The following ZBTB37 variants were observed in gnomAD, a reference collection of about 807,000 sequenced individuals.
ZBTB37 encodes the protein zinc finger and BTB domain-containing protein 37.
Under a neutral mutation model 37.7 loss-of-function variants are expected in ZBTB37, and 15 were observed. The observed-to-expected ratio is 0.40, with a 90% CI of 0.27 to 0.61. The LOEUF is 0.61. Among genes scored for constraint, ZBTB37 ranks in the 20% least tolerant of loss-of-function variants. The probability of loss-of-function intolerance (pLI) is 0.44; values close to 1 mark genes in which losing one functional copy is unlikely to be tolerated. For missense variants in ZBTB37, 514 were observed against 641.9 expected, an observed-to-expected ratio of 0.80 and a Z score of 2.15; for synonymous variants, 231 against 220.6, an observed-to-expected ratio of 1.05 and a Z score of -0.42.
chr1:173,879,642 G>A (rs1656188015), intron 4 of ZBTB37, among the ~76,000 whole-genome samples: 3 of 152,248 alleles, frequency 2.0e-5, no homozygotes, highest in Admixed American at 2.0e-4. Flanking sequence ...AACCCCAAAA[G>A]AACACGGAGA....
chr1:173,875,116 A>ATG lies in ZBTB37; in HGVS notation c.1023+1593_1023+1594dup, dbSNP rs71111072. On this transcript the variant is annotated intron_variant, in intron 4 of 4. Transcript: ENST00000427304. Reference sequence around the variant, plus strand: ...ACCTGGAATCGAAAGTCTGATTATTATGTGTGTGTGTGTGTGTGTGTGTGT... The same window carrying ATG: ...ACCTGGAATCGAAAGTCTGATTATTATGTGTGTGTGTGTGTGTGTGTGTGTGT... 5.0e-3 allele frequency among the ~76,000 whole-genome samples: 689 copies of ATG among 137,114 alleles called. 3 individuals carry two copies. The highest frequency in any genetic ancestry group is 0.03 in the East Asian group (144 of 4,732). The allele number at this position is 137,114 out of a possible 152,430, so 90.0% of individuals were successfully genotyped here. A position where few individuals can be genotyped will look rare whatever the true frequency, so the allele number is the denominator to read the frequency against.
At chr1:173,881,740 T>G (rs1192786722) in intron 4 of ZBTB37, among the ~76,000 whole-genome samples, 2 of 152,116 alleles carry the variant, frequency 1.3e-5, no homozygotes, top group African/African-American at 2.4e-5. Context: ...TCTGTTGGCT[T>G]CATAAATGTC....
exon 4 of ZBTB37, chr1:173,892,576 T>A (rs924096064): frequency 3.9e-5 from 6 of 152,232 alleles, no homozygotes; most frequent in Non-Finnish European, 8.8e-5. Context: ...TTATTCAGTT[T>A]TGCTGTGTAG....
intron 4 of ZBTB37, chr1:173,873,783 G>A (rs1380066980): frequency 4.7e-6 from 3 of 632,636 alleles, no homozygotes; most frequent in South Asian, 4.0e-5. Context: ...TTTCTACCAA[G>A]CATAGATGCA....
chr1:173,885,165 G>C (rs1226671497), intron 4 of ZBTB37, among the ~76,000 whole-genome samples: 2 of 152,162 alleles, frequency 1.3e-5, no homozygotes, highest in African/African-American at 4.8e-5. Context: ...TCCTGAGGAG[G>C]TCTAGGCTGT....
chr1:173,868,860 A>G (rs576805236), intron 1 of ZBTB37, 65 bp from the exon 2 acceptor site: 1 of 153,084 alleles, frequency 6.5e-6, no homozygotes, highest in East Asian at 1.9e-4. Flanking sequence ...TTCCTAACGC[A>G]GAAGAAAGCT....
chr1:173,879,540 G>A (rs780976602), intron 4 of ZBTB37, among the ~76,000 whole-genome samples: 18 of 152,224 alleles, frequency 1.2e-4, no homozygotes, highest in Admixed American at 2.0e-4. Context: ...AGAGGGCTCC[G>A]CAGTCTAATG....
At chr1:173,870,693 A>C (rs1445832948) in exon 3 of ZBTB37, 1 of 1,614,190 alleles carries the variant, frequency 6.2e-7, no homozygotes, top group East Asian at 2.2e-5. Flanking sequence ...ACAGGGTTAC[A>C]CCAAATCTCA....
At chr1:173,876,744 G>T (rs1403834159) in intron 4 of ZBTB37, among the ~76,000 whole-genome samples, 1 of 152,122 alleles carries the variant, frequency 6.6e-6, no homozygotes, top group Non-Finnish European at 1.5e-5. Context: ...AGGTAATTTG[G>T]CTCATATTAT....
intron 4 of ZBTB37, among the ~76,000 whole-genome samples, chr1:173,876,972 G>A (rs2065171): frequency 0.47 from 72,053 of 152,028 alleles, 20,124 homozygotes; most frequent in African/African-American, 0.77. Flanking sequence ...CTCCTAGGCT[G>A]CAAACCTGTA....
At chr1:173,902,211 TATTG>T (rs1185457919) in exon 4 of ZBTB37, 2 of 152,284 alleles carry the variant, frequency 1.3e-5, no homozygotes, top group Non-Finnish European at 2.9e-5. Context: ...TCTCAGTTGA[TATTG>T]ATTGATAGCA....
chr1:173,880,801 C>G (rs557249193), intron 4 of ZBTB37, among the ~76,000 whole-genome samples: 80 of 152,336 alleles, frequency 5.3e-4, no homozygotes, highest in Admixed American at 1.3e-3. Flanking sequence ...ATTGCAACTT[C>G]ACTGCAGTAA....
At chr1:173,902,886 A>C (rs1049985186) in exon 4 of ZBTB37, 3 of 152,164 alleles carry the variant, frequency 2.0e-5, no homozygotes, top group Admixed American at 6.5e-5. Context: ...CCCCCACTCC[A>C]TGCCAAAGGG....
intron 4 of ZBTB37, among the ~76,000 whole-genome samples, chr1:173,875,330 A>ATTT (rs1194584064): frequency 8.2e-6 from 1 of 122,474 alleles, no homozygotes; most frequent in Non-Finnish European, 1.6e-5. Flanking sequence ...ATATATATAT[A>ATTT]TTTTTTTTTT....
chr1:173,903,074 C>G (rs911713292), exon 4 of ZBTB37: 2 of 152,158 alleles, frequency 1.3e-5, no homozygotes, highest in African/African-American at 4.8e-5. Context: ...CACAAAGACT[C>G]TAAGACACGA....
chr1:173,885,929 C>T (rs1656594560), exon 5 of ZBTB37: 11 of 1,551,744 alleles, frequency 7.1e-6, no homozygotes, highest in Admixed American at 2.0e-5. Flanking sequence ...AAAGTTTCCC[C>T]TTCCAGGCCA....
chr1:173,894,461 C>G (rs1479524778), exon 4 of ZBTB37: 1 of 152,138 alleles, frequency 6.6e-6, no homozygotes, highest in East Asian at 1.9e-4. Context: ...GGTGGGGAGA[C>G]TAGAAGGATG....
intron 4 of ZBTB37, among the ~76,000 whole-genome samples, chr1:173,878,089 C>T (rs992203453): frequency 2.6e-5 from 4 of 152,204 alleles, no homozygotes; most frequent in Admixed American, 2.6e-4. Context: ...AACTATTTCT[C>T]TTTCTGCATC....
At chr1:173,877,793 T>C (rs1656066616) in intron 4 of ZBTB37, among the ~76,000 whole-genome samples, 1 of 152,184 alleles carries the variant, frequency 6.6e-6, no homozygotes, top group African/African-American at 2.4e-5. Context: ...TCACCAGTTT[T>C]TTTCCTCTAC....
Sources: allele counts gnomAD v4.1 joint callset (sites outside exome capture counted in the v4.1 genomes callset), GRCh38; gene constraint gnomAD v4.1.1; transcripts MANE v1.5; gene names NCBI Gene and HGNC (gene_info 2026-07-23, HGNC 2026-07-21).